The following SLC2A6 variants were observed in gnomAD, a reference collection of about 807,000 sequenced individuals.
SLC2A6 encodes solute carrier family 2, facilitated glucose transporter member 6.
A neutral mutation model predicts 47.8 loss-of-function variants in SLC2A6; 39 were observed. The ratio of observed to expected loss-of-function variants is 0.82; its 90% confidence interval spans 0.63 to 1.07. The LOEUF is 1.07. SLC2A6 is among the 50% of genes least tolerant of loss of function. The pLI, the probability that SLC2A6 is intolerant of heterozygous loss-of-function variation, is 0.00. For missense variants in SLC2A6, 650 were observed against 707.6 expected (o/e 0.92, Z 0.92); for synonymous variants, 346 against 324.1 (o/e 1.07, Z -0.73).
intron 4 of SLC2A6, 24 bp from the exon 5 acceptor site, chr9:133,475,635 G>T: frequency 6.4e-7 from 1 of 1,557,328 alleles, no homozygotes. Context: ...GTGGGTGAGG[G>T]GCCAGGTCCA....
rs1165263123 is a variant in SLC2A6, at chr9:133,477,085, C to T, written c.412G>A (p.Gly138Arg). ...GAHGLWMLLLGRTLTGFAGGL... is the reference protein window; with the variant it reads ...GAHGLWMLLLRRTLTGFAGGL... The stretch of plus-strand genomic sequence containing the variant: ...CCGGCGAAGCCCGTCAGCGTCCTTC[C>T]GAGCAGCAGCATCCAGAGGCCGTGC... Residue 138 changes from glycine (G) to arginine (R), a missense_variant, in exon 3 of 10, where the codon GGA (glycine) becomes AGA (arginine). Transcript: ENST00000371899. 12 of 1,546,074 alleles carry T rather than the reference C, an allele frequency of 7.8e-6. No individual in the cohort carries two copies. The highest frequency in any genetic ancestry group is 2.4e-5 in the East Asian group (1 of 40,910).
At chr9:133,473,955 G>A in intron 7 of SLC2A6, 25 bp downstream of exon 7, 1 of 1,561,918 alleles carries the variant, frequency 6.4e-7, no homozygotes, top group Non-Finnish European at 8.7e-7. Context: ...GAGTGGGGCA[G>A]GAGGGCTGCC....
At chr9:133,478,592 C>T (rs1844051112) in intron 1 of SLC2A6, 176 bp from the exon 2 acceptor site, 1 of 678,078 alleles carries the variant, frequency 1.5e-6, no homozygotes, top group Non-Finnish European at 2.5e-6. Flanking sequence ...ATTCCCAGGC[C>T]ATTGTTAGCT....
At position 133,473,498 on chromosome 9, in the gene SLC2A6, C is replaced by CG; in HGVS notation, c.1138_1139insC (p.Trp380SerfsTer44). 1 of 1,602,994 alleles carries CG rather than the reference C, an allele frequency of 6.2e-7. No homozygotes were observed. The highest frequency in any genetic ancestry group is 1.1e-5 in the South Asian group (1 of 89,068). On this transcript the variant is annotated frameshift_variant, in exon 8 of 10. Transcript: ENST00000371899. LOFTEE classifies it high-confidence loss of function. Reference sequence around the variant, plus strand: ...TGCCAGGGGCTGCGCCAAGTCCCCCCAGGACTCGCTTTCCAGGCCCGCAGT... The same window carrying CG: ...TGCCAGGGGCTGCGCCAAGTCCCCCCGAGGACTCGCTTTCCAGGCCCGCAGT...
chr9:133,476,694 CATAAG>C (rs1162808079), intron 3 of SLC2A6, among the ~76,000 whole-genome samples: 1 of 152,172 alleles, frequency 6.6e-6, no homozygotes, highest in Admixed American at 6.5e-5. Flanking sequence ...TGGAGTACCA[CATAAG>C]ATAAGAAGGT....
At chr9:133,472,983 C>G in intron 9 of SLC2A6, 122 bp downstream of exon 9, 1 of 1,081,124 alleles carries the variant, frequency 9.2e-7, no homozygotes, top group South Asian at 1.7e-5. Context: ...GTGTGCTCAT[C>G]TCCTAGGGTC....
chr9:133,473,159 C>T lies in SLC2A6; in HGVS notation c.1314G>A (p.Val438=). 2 of 1,611,442 alleles carry T rather than the reference C, an allele frequency of 1.2e-6. No homozygotes were observed. The highest frequency in any genetic ancestry group is 1.7e-6 in the Non-Finnish European group (2 of 1,179,538). The change falls in exon 9 of 10, where the codon GTG becomes GTA. Residue 438 remains valine, a synonymous_variant. Coordinates refer to ENST00000371899, the MANE Select transcript of SLC2A6 (RefSeq NM_017585.4). The stretch of plus-strand genomic sequence containing the variant: ...CGAAGGCGGTGAGCCAGCTGGCCAG[C>T]ACGCAGAGCCCTGAGGCCACGCCAC... The part of the protein sequence containing the change: ...RARGVASGLC[V]LASWLTAFVL...
intron 6 of SLC2A6, 111 bp downstream of exon 6, chr9:133,474,850 G>C (rs1183704459): frequency 6.7e-5 from 76 of 1,142,340 alleles, no homozygotes; most frequent in Non-Finnish European, 8.8e-5. Context: ...CACAGAGCAG[G>C]TGTGGGTAAG....
chr9:133,477,072 G>A lies in SLC2A6; in HGVS notation c.425C>T (p.Thr142Met), dbSNP rs1169174480. 7.1e-6 allele frequency: 11 copies of A among 1,546,114 alleles called. No homozygotes were observed. The highest frequency in any genetic ancestry group is 2.4e-5 in the South Asian group (2 of 83,652). The part of the protein sequence containing the change: ...LWMLLLGRTL[T>M]GFAGGLTAAC... The stretch of plus-strand genomic sequence containing the variant: ...AGCTGTGAGCCCCCCGGCGAAGCCC[G>A]TCAGCGTCCTTCCGAGCAGCAGCAT... The change falls in exon 3 of 10, where the codon ACG becomes ATG. Residue 142 changes from threonine to methionine, a missense_variant. Thr to Met is a moderately conservative substitution (Grantham distance 81, BLOSUM62 -1). Coordinates refer to ENST00000371899, the MANE Select transcript of SLC2A6 (RefSeq NM_017585.4).
Position 133,472,037 on chromosome 9 carries a change from C to T in SLC2A6, c.1508G>A (p.Arg503Lys). 6.2e-7 allele frequency: 1 copy of T among 1,612,960 alleles called. No homozygotes were observed. Residue 503 changes from arginine to lysine, a missense_variant, in exon 10 of 10, where the codon AGG (arginine) becomes AAG (lysine). Arg to Lys is a conservative substitution (Grantham distance 26). Coordinates refer to ENST00000371899, the MANE Select transcript of SLC2A6 (RefSeq NM_017585.4). ...GACCTTGACCTAGCGCAAGAAGGACCTTCTCCCCGTGCGGAAGAAGGACTC... is the reference window on the plus strand; with the variant it reads ...GACCTTGACCTAGCGCAAGAAGGACTTTCTCCCCGTGCGGAAGAAGGACTC... ...QIESFFRTGR[R>K]SFLR
rs781866533 is a variant in SLC2A6, at chr9:133,472,021, C to T, written c.1524G>A (p.Ter508=). ...GCCCCCTCCAGGCGGGGACCTTGAC[C>T]TAGCGCAAGAAGGACCTTCTCCCCG... ...FRTGRRSFLR[*] The change falls in exon 10 of 10, where the codon TAG becomes TAA. Residue 508 remains the stop codon, a stop_retained_variant. Transcript: ENST00000371899. 10 of 1,612,044 alleles carry T rather than the reference C, an allele frequency of 6.2e-6. No homozygotes were observed. The highest frequency in any genetic ancestry group is 1.6e-4 in the Middle Eastern group (1 of 6,070).
chr9:133,474,832 A>G, intron 6 of SLC2A6, 129 bp downstream of exon 6: 2 of 915,556 alleles, frequency 2.2e-6, no homozygotes, highest in Non-Finnish European at 3.0e-6. Flanking sequence ...GGCATCCCTG[A>G]CACCTGGCAC....
Position 133,478,278 on chromosome 9 carries a change from G to C in SLC2A6, c.231C>G (p.Thr77=), listed in dbSNP as rs375360859. 5 of 1,613,926 alleles carry C rather than the reference G, an allele frequency of 3.1e-6. No homozygotes were observed. In the African/African-American group the frequency reaches 6.7e-5, roughly 22 times the overall value. The change falls in exon 2 of 10, where the codon ACC becomes ACG. Residue 77 remains threonine, a synonymous_variant. Coordinates refer to ENST00000371899, the MANE Select transcript of SLC2A6 (RefSeq NM_017585.4). ...ERSLDPDLHL[T]KSQASWFGSV... The stretch of plus-strand genomic sequence containing the variant: ...CCCCAAACCAGGATGCCTGGGATTT[G>C]GTCAGATGCAGGTCAGGATCCAAGG...
In SLC2A6 at chr9:133,473,269, A is replaced by AG; in HGVS notation, c.1223-20dup. 6.4e-7 allele frequency: 1 copy of AG among 1,558,798 alleles called. No homozygotes were observed. The highest frequency in any genetic ancestry group is 8.7e-7 in the Non-Finnish European group (1 of 1,151,834). The stretch of plus-strand genomic sequence containing the variant: ...GCGTAGCCTGCTCGGAGGAGGAGGC[A>AG]GGTTCAGGCCCTGTGGGGTGACTGG... On this transcript the variant is annotated intron_variant, in intron 8 of 9. Transcript: ENST00000371899.
chr9:133,474,189 G>T lies in SLC2A6; in HGVS notation c.928-101C>A. On this transcript the variant is annotated intron_variant, in intron 6 of 9. Transcript: ENST00000371899. ...GCAGGCATTGCAGGGGCTCAGGCCA[G>T]CAGCTCAGTGCAGTACTGAGTGGCC... 4 of 862,678 alleles carry T rather than the reference G, an allele frequency of 4.6e-6. No individual in the cohort carries two copies. The South Asian group carries it at 6.6e-5, about 14-fold the overall frequency. 53.4% of individuals were successfully genotyped at this position (862,678 alleles called of 1,614,324 possible). A position where few individuals can be genotyped will look rare whatever the true frequency, so the allele number is the denominator to read the frequency against.
chr9:133,475,204 C>T, intron 5 of SLC2A6, 91 bp from the exon 6 acceptor site: 1 of 1,423,752 alleles, frequency 7.0e-7, no homozygotes, highest in Non-Finnish European at 9.2e-7. Flanking sequence ...TGTGGGAGAC[C>T]TCCTTTTTCC....
At chr9:133,477,344 GGTCAAGCACTTGGCCAA>G (rs1408132939) in intron 2 of SLC2A6, 103 bp from the exon 3 acceptor site, 21 of 1,163,632 alleles carry the variant, frequency 1.8e-5, no homozygotes, top group African/African-American at 6.3e-5. Flanking sequence ...CCCAGGAGCT[GGTCAAGCACTTGGCCAA>G]GTCAAGCACT....
intron 3 of SLC2A6, 87 bp from the exon 4 acceptor site, chr9:133,476,423 C>A: frequency 8.4e-7 from 1 of 1,191,892 alleles, no homozygotes; most frequent in East Asian, 2.5e-5. Context: ...CCCTGTGAAC[C>A]CCGGAAAGTG....
chr9:133,477,633 G>A lies in SLC2A6; in HGVS notation c.256-392C>T, dbSNP rs116237756. 3.1e-3 allele frequency among the ~76,000 whole-genome samples: 476 copies of A among 152,282 alleles called. 4 individuals carry two copies. The highest frequency in any genetic ancestry group is 0.011 in the African/African-American group (438 of 41,544). ...TCTGCTAACTGGTAGTGGGACCTGGGCACATTGCCCAGCCTGTCTGCACCT... is the reference window on the plus strand; with the variant it reads ...TCTGCTAACTGGTAGTGGGACCTGGACACATTGCCCAGCCTGTCTGCACCT... On this transcript the variant is annotated intron_variant, in intron 2 of 9. Transcript: ENST00000371899.
Sources: gnomAD v4.1 joint callset for allele counts (sites outside exome capture counted in the v4.1 genomes callset) on GRCh38, gnomAD v4.1.1 for gene constraint, MANE v1.5 for transcripts, NCBI Gene and HGNC (gene_info 2026-07-23, HGNC 2026-07-21) for gene names.